Variants in SHANK1 observed in about 807,000 individuals in gnomAD.
The protein encoded by SHANK1 is SH3 and multiple ankyrin repeat domains protein 1.
SHANK1 carries 35 observed loss-of-function variants against 165.6 expected under a neutral mutation model. That is an observed-to-expected ratio of 0.21 (90% confidence interval 0.16 to 0.28). The LOEUF (loss-of-function observed/expected upper bound fraction) is 0.28, where lower values mean the gene tolerates loss of function less well. Among genes scored for constraint, SHANK1 ranks in the 10% least tolerant of loss-of-function variants. The pLI is 1.00. For synonymous variants in SHANK1, 1,428 were observed against 1,384.8 expected (o/e 1.03, Z -0.69); for missense variants, 2,681 against 3,036.4 (o/e 0.88, Z 2.75).
chr19:50,705,815 A>G (rs1472543873), intron 8 of SHANK1, among the ~76,000 whole-genome samples: 1 of 152,170 alleles, frequency 6.6e-6, no homozygotes, highest in East Asian at 1.9e-4. Context: ...ATTCCAGGAC[A>G]TGGAAATTGT....
intron 8 of SHANK1, among the ~76,000 whole-genome samples, chr19:50,707,774 G>A (rs2088956758): frequency 6.6e-6 from 1 of 152,050 alleles, no homozygotes; most frequent in Non-Finnish European, 1.5e-5. Flanking sequence ...CCCAGTGTGT[G>A]TTCTGGGTGT....
chr19:50,717,237 G>A lies in SHANK1; in HGVS notation c.-43-275C>T, dbSNP rs2089081430. 1.3e-5 allele frequency among the ~76,000 whole-genome samples: 2 copies of A among 152,218 alleles called. No homozygotes were observed. The highest frequency in any genetic ancestry group is 1.5e-5 in the Non-Finnish European group (1 of 68,050). On this transcript the variant is annotated intron_variant, in intron 1 of 23. Transcript: ENST00000293441. This position sits in a 1 kb window ranked among gnomAD's most constrained non-coding sequence, Gnocchi z 5.5. Reference sequence around the variant, plus strand: ...CCCGCCCCCTGCGCCCCACTTTGCTGGTGACCCAGCGTGGCCGTGTCCCAG... The same window carrying A: ...CCCGCCCCCTGCGCCCCACTTTGCTAGTGACCCAGCGTGGCCGTGTCCCAG...
At position 50,668,675 on chromosome 19, in the gene SHANK1, G is replaced by A. The variant is rs1480946238; in HGVS notation, c.3285C>T (p.Ala1095=). Residue 1095 remains alanine, a synonymous_variant, in exon 23 of 24, where the codon GCC becomes GCT. Transcript: ENST00000293441. ...FQLPPRAASA[A]MYVPARSGRG... is the part of the protein sequence containing the mutation. ...GGCCCGAGCGGGCGGGCACGTACATGGCTGCGCTGGCCGCCCGCGGGGGCA... is the reference window on the plus strand; with the variant it reads ...GGCCCGAGCGGGCGGGCACGTACATAGCTGCGCTGGCCGCCCGCGGGGGCA... 10 of 1,328,658 alleles carry A rather than the reference G, an allele frequency of 7.5e-6. No individual in the cohort carries two copies. The highest frequency in any genetic ancestry group is 8.6e-6 in the Non-Finnish European group (9 of 1,043,858). 82.3% of individuals were successfully genotyped at this position (1,328,658 alleles called of 1,614,324 possible).
intron 4 of SHANK1, among the ~76,000 whole-genome samples, chr19:50,714,543 A>C (rs1199444312): frequency 3.3e-5 from 5 of 151,850 alleles, no homozygotes; most frequent in Non-Finnish European, 5.9e-5. Context: ...AAATGCAAAA[A>C]ACTAGCCAGG....
chr19:50,694,050 C>CAG (rs1986637333), intron 15 of SHANK1, among the ~76,000 whole-genome samples: 1 of 150,012 alleles, frequency 6.7e-6, no homozygotes, highest in South Asian at 2.1e-4. Flanking sequence ...CACACACACA[C>CAG]ACACACACAC....
Position 50,666,525 on chromosome 19 carries a change from G to A in SHANK1, c.5435C>T (p.Ala1812Val), listed in dbSNP as rs749037124. The change falls in exon 23 of 24, where the codon GCG becomes GTG. Residue 1812 changes from alanine (A) to valine (V), a missense_variant. Transcript: ENST00000293441. ...TGGCTCTACAGCCACCGGACCCCCC[G>A]CCACGCCTGCCGTGGGGGGTCCTGA... is the stretch of plus-strand genomic sequence containing the variant. ...ACSGPPTAGV[A>V]GGPVAVEPEV... The A allele has an allele frequency of 6.3e-7, 1 of 1,586,164 alleles. No homozygotes were observed. Among genetic ancestry groups the A allele is most frequent in the East Asian group, 2.3e-5 (1 of 43,820 alleles).
Position 50,666,635 on chromosome 19 carries a change from T to C in SHANK1, c.5325A>G (p.Gly1775=). 6.3e-7 allele frequency: 1 copy of C among 1,594,834 alleles called. No homozygotes were observed. The change falls in exon 23 of 24, where the codon GGA becomes GGG. Residue 1775 remains glycine, a synonymous_variant. Coordinates refer to ENST00000293441, the MANE Select transcript of SHANK1 (RefSeq NM_016148.5). ...TGGTGGGGGTAACAGGGTCTCGGAG[T>C]CCCCCGCTGGGGCCAGGCCGCAGGC... ...SGGLRPGPSG[G]LRDPVTPTSP...
rs1328117873 is a variant in SHANK1 at position 50,669,045 on chromosome 19, C to G, written c.2915G>C (p.Gly972Ala). The G allele has an allele frequency of 1.1e-6, 1 of 915,430 alleles. No individual in the cohort carries two copies. The highest frequency in any genetic ancestry group is 1.6e-6 in the Non-Finnish European group (1 of 625,056). The allele number at this position is 915,430 out of a possible 1,614,324, so 56.7% of individuals were successfully genotyped here. A position where few individuals can be genotyped will look rare whatever the true frequency, so the allele number is the denominator to read the frequency against. ...CACGCGAGTGTCGGGAGGGGAGGGC[C>G]CGTCAAAGGATGCAGGGGAGGAGGC... ...LPASSPASFDGPSPPDTRVGS... is the reference protein window; with the variant it reads ...LPASSPASFDAPSPPDTRVGS... Residue 972 changes from glycine to alanine, a missense_variant, in exon 23 of 24, where the codon GGG (glycine) becomes GCG (alanine). Gly to Ala is a moderately conservative substitution (Grantham distance 60, BLOSUM62 0). Around this residue, in one of 10 missense-constraint regions of SHANK1, gnomAD observed 1,713 missense variants for 1,630.2 expected, o/e 1.05. Coordinates refer to ENST00000293441, the MANE Select transcript of SHANK1 (RefSeq NM_016148.5).
intron 21 of SHANK1, among the ~76,000 whole-genome samples, chr19:50,685,737 A>G (rs1986311714): frequency 1.3e-5 from 2 of 152,124 alleles, no homozygotes; most frequent in Non-Finnish European, 2.9e-5. Flanking sequence ...ATAAATAAAT[A>G]AATAAATAAA....
rs764106068 is a variant in SHANK1 at position 50,668,370 on chromosome 19, G to A, written c.3590C>T (p.Ser1197Leu). 23 of 1,269,978 alleles carry A rather than the reference G, an allele frequency of 1.8e-5. No homozygotes were observed. The highest frequency in any genetic ancestry group is 2.1e-5 in the Non-Finnish European group (21 of 1,007,188). 78.7% of individuals were successfully genotyped at this position (1,269,978 alleles called of 1,614,324 possible). A position where few individuals can be genotyped will look rare whatever the true frequency, so the allele number is the denominator to read the frequency against. ...PTGGGGGGGS[S>L]PSPAPAMSPV... is the part of the protein sequence containing the mutation. ...TGACATGGCCGGGGCGGGGCTGGGC[G>A]AGGAGCCGCCGCCGCCGCCGCCTCC... The change falls in exon 23 of 24, where the codon TCG becomes TTG. Residue 1197 changes from serine (S) to leucine (L), a missense_variant. Coordinates refer to ENST00000293441, the MANE Select transcript of SHANK1 (RefSeq NM_016148.5).
intron 21 of SHANK1, among the ~76,000 whole-genome samples, chr19:50,681,646 T>C (rs1986183410): frequency 6.6e-6 from 1 of 152,202 alleles, no homozygotes; most frequent in African/African-American, 2.4e-5. Flanking sequence ...CTAATTAGTT[T>C]ATCAGAGATT....
At position 50,669,041 on chromosome 19, in the gene SHANK1, G is replaced by C. The variant is rs2123086261; in HGVS notation, c.2919C>G (p.Pro973=). 4.5e-6 allele frequency: 4 copies of C among 892,874 alleles called. 1 individual carries two copies. The highest frequency in any genetic ancestry group is 2.8e-5 in the East Asian group (1 of 36,094). The allele number at this position is 892,874 out of a possible 1,614,324, so 55.3% of individuals were successfully genotyped here. ...PASSPASFDG[P]SPPDTRVGSR... Reference sequence around the variant, plus strand: ...TCCCCACGCGAGTGTCGGGAGGGGAGGGCCCGTCAAAGGATGCAGGGGAGG... The same window carrying C: ...TCCCCACGCGAGTGTCGGGAGGGGACGGCCCGTCAAAGGATGCAGGGGAGG... The change falls in exon 23 of 24, where the codon CCC becomes CCG. Residue 973 remains proline, a synonymous_variant. Coordinates refer to ENST00000293441, the MANE Select transcript of SHANK1 (RefSeq NM_016148.5).
chr19:50,713,010 G>C lies in SHANK1; in HGVS notation c.792+788C>G, dbSNP rs192892191. On this transcript the variant is annotated intron_variant, in intron 6 of 23. Transcript: ENST00000293441. This position sits in a 1 kb window ranked among gnomAD's most constrained non-coding sequence, Gnocchi z 6.2. ...AGTGTGCATGGGAGATACATGAAGAGGATCTGTTAACTCCAGGGGTATACT... is the reference window on the plus strand; with the variant it reads ...AGTGTGCATGGGAGATACATGAAGACGATCTGTTAACTCCAGGGGTATACT... Among the ~76,000 whole-genome samples, 221 of 152,268 alleles carry C rather than the reference G, an allele frequency of 1.5e-3. No homozygotes were observed. The highest frequency in any genetic ancestry group is 0.014 in the Middle Eastern group (4 of 294).
Position 50,668,991 on chromosome 19 carries a change from C to T in SHANK1, c.2969G>A (p.Ser990Asn). Residue 990 changes from serine to asparagine, a missense_variant, in exon 23 of 24, where the codon AGT becomes AAT. This residue lies in a region of SHANK1 where 1,713 missense variants were observed against 1,630.2 expected (regional missense o/e 1.05). Transcript: ENST00000293441. ...VGSREKSLYH[S>N]GPLPPAHHHP... is the part of the protein sequence containing the mutation. ...GTGGTGGGCCGGGGGCAGGGGCCCA[C>T]TGTGGTACAGGCTCTTCTCGCGGCT... 1 of 736,234 alleles carries T rather than the reference C, an allele frequency of 1.4e-6. No homozygotes were observed. Among genetic ancestry groups the T allele is most frequent in the East Asian group, 3.1e-5 (1 of 31,948 alleles). 45.6% of individuals were successfully genotyped at this position (736,234 alleles called of 1,614,324 possible).
intron 8 of SHANK1, among the ~76,000 whole-genome samples, chr19:50,704,855 C>A (rs2088919386): frequency 6.6e-6 from 1 of 151,854 alleles, no homozygotes; most frequent in Non-Finnish European, 1.5e-5. Context: ...TCCAGACCAG[C>A]CTGGGTGACA....
In SHANK1 at chr19:50,667,475, A is replaced by G. The variant is rs1250452530; in HGVS notation, c.4485T>C (p.Leu1495=). 6.5e-7 allele frequency: 1 copy of G among 1,531,584 alleles called. No individual in the cohort carries two copies. The highest frequency in any genetic ancestry group is 1.4e-5 in the African/African-American group (1 of 72,166). 94.9% of individuals were successfully genotyped at this position (1,531,584 alleles called of 1,614,324 possible). ...PERLPLHVRF[L]ENCQPRAPVT... Reference sequence around the variant, plus strand: ...CAGGGGCCCGGGGCTGGCAGTTTTCAAGGAACCGCACGTGCAGCGGCAGCC... The same window carrying G: ...CAGGGGCCCGGGGCTGGCAGTTTTCGAGGAACCGCACGTGCAGCGGCAGCC... The change falls in exon 23 of 24, where the codon CTT becomes CTC. Residue 1495 remains leucine, a synonymous_variant. Coordinates refer to ENST00000293441, the MANE Select transcript of SHANK1 (RefSeq NM_016148.5). This position sits in a 1 kb window ranked among gnomAD's most constrained non-coding sequence, Gnocchi z 5.7.
At chr19:50,694,062 C>T (rs1186028338) in intron 15 of SHANK1, among the ~76,000 whole-genome samples, 2 of 145,630 alleles carry the variant, frequency 1.4e-5, no homozygotes. Context: ...CACACACACA[C>T]AGTCCCAGAC....
In SHANK1 at chr19:50,666,714, G is replaced by T. The variant is rs1369387300; in HGVS notation, c.5246C>A (p.Pro1749His). The T allele has an allele frequency of 6.3e-7, 1 of 1,582,334 alleles. No homozygotes were observed. Among genetic ancestry groups the T allele is most frequent in the Admixed American group, 1.8e-5 (1 of 55,040 alleles). Residue 1749 changes from proline (P) to histidine (H), a missense_variant, in exon 23 of 24, where the codon CCT (proline) becomes CAT (histidine). By Grantham distance (77) the Pro-to-His change is moderately conservative. This residue lies in a region of SHANK1 where 1,713 missense variants were observed against 1,630.2 expected (regional missense o/e 1.05). Coordinates refer to ENST00000293441, the MANE Select transcript of SHANK1 (RefSeq NM_016148.5). ...GSSTPGPPYP[P>H]QLMTPSKLRG... ...GAGCTTAGAGGGAGTCATGAGCTGA[G>T]GAGGGTATGGCGGGCCGGGAGTACT...
intron 8 of SHANK1, among the ~76,000 whole-genome samples, chr19:50,705,338 T>C (rs1336645324): frequency 6.6e-6 from 1 of 151,972 alleles, no homozygotes; most frequent in Non-Finnish European, 1.5e-5. Flanking sequence ...TGAGACTCTG[T>C]CTCAAAAAAA....
Sources: gnomAD v4.1 joint callset for allele counts (sites outside exome capture counted in the v4.1 genomes callset) on GRCh38, gnomAD v4.1.1 for gene constraint, gnomAD v4.1.1 regional missense constraint, Gnocchi (gnomAD v3.1) non-coding constraint, MANE v1.5 for transcripts, NCBI Gene and HGNC (gene_info 2026-07-23, HGNC 2026-07-21) for gene names.